The following SASH1 variants were observed in gnomAD, a reference collection of about 807,000 sequenced individuals.
SASH1 encodes SAM and SH3 domain-containing protein 1.
SASH1 carries 44 observed loss-of-function variants against 125.2 expected under a neutral mutation model. The ratio of observed to expected loss-of-function variants is 0.35; its 90% CI spans 0.28 to 0.45. The LOEUF is 0.45. Among genes scored for constraint, SASH1 ranks in the 20% least tolerant of loss-of-function variants. The pLI is 1.00. For synonymous variants in SASH1, 639 were observed against 649.1 expected (o/e 0.98, Z 0.24); for missense variants, 1,426 against 1,614.5 (o/e 0.88, Z 2.00).
rs144016974 is a variant in SASH1 at position 148,352,596 on chromosome 6, T to TATAA, written c.156+9417_156+9420dup. On this transcript the variant is annotated intron_variant, in intron 1 of 19. Transcript: ENST00000367467. ...TGGGAGACAGAGTGAGACTCCTTCT[T>TATAA]ATAAATAAATAAATAAATAAATAAA... Among the ~76,000 whole-genome samples the TATAA allele has an allele frequency of 5.2e-3, 740 of 141,344 alleles. 6 individuals carry two copies. The highest frequency in any genetic ancestry group is 9.0e-3 in the East Asian group (43 of 4,802). 92.7% of individuals were successfully genotyped at this position (141,344 alleles called of 152,430 possible). A position where few individuals can be genotyped will look rare whatever the true frequency, so the allele number is the denominator to read the frequency against.
At chr6:148,357,068 T>C (rs1781973831) in intron 1 of SASH1, among the ~76,000 whole-genome samples, 1 of 152,254 alleles carries the variant, frequency 6.6e-6, no homozygotes, top group Non-Finnish European at 1.5e-5. Context: ...GAGTTCCTTG[T>C]AGATTCTGGA....
At chr6:148,276,545 A>T (rs192659452) in intron 1 of SASH1, among the ~76,000 whole-genome samples, 1 of 152,346 alleles carries the variant, frequency 6.6e-6, no homozygotes, top group East Asian at 1.9e-4. Context: ...CGAAAGAAAA[A>T]GTAAGCTAGG....
intron 4 of SASH1, among the ~76,000 whole-genome samples, chr6:148,455,727 G>A (rs1252739275): frequency 6.6e-6 from 1 of 152,212 alleles, no homozygotes; most frequent in Non-Finnish European, 1.5e-5. Context: ...TTAGAAGTGG[G>A]GCAGGGGAAG....
At chr6:148,365,664 A>T (rs1490779638) in intron 1 of SASH1, among the ~76,000 whole-genome samples, 1 of 152,072 alleles carries the variant, frequency 6.6e-6, no homozygotes, top group Non-Finnish European at 1.5e-5. Flanking sequence ...TGAAGGAGAG[A>T]TGGAGCTAGG....
Position 148,549,775 on chromosome 6 carries a change from CT to C in SASH1, c.*1220del. The C allele has an allele frequency of 2.6e-6, 1 of 386,328 alleles. No homozygotes were observed. 23.9% of individuals were successfully genotyped at this position (386,328 alleles called of 1,614,324 possible). A position where few individuals can be genotyped will look rare whatever the true frequency, so the allele number is the denominator to read the frequency against. ...TTAGCCATGTGTTAAGTATTTGCTA[CT>C]TTAAATTGTTTTACAACTGATTTCA... On this transcript the variant is annotated 3_prime_UTR_variant, in exon 20 of 20. Transcript: ENST00000367467.
chr6:148,421,173 G>GAAAGAAAGAAAGAAAA lies in SASH1; in HGVS notation c.286-18996_286-18995insAAAAGAAAGAAAGAAA, dbSNP rs1562396535. 6.1e-4 allele frequency among the ~76,000 whole-genome samples: 85 copies of GAAAGAAAGAAAGAAAA among 139,434 alleles called. 2 individuals are homozygous for GAAAGAAAGAAAGAAAA. Among genetic ancestry groups the GAAAGAAAGAAAGAAAA allele is most frequent in the African/African-American group, 2.2e-3 (83 of 37,970 alleles). The allele number at this position is 139,434 out of a possible 152,430, so 91.5% of individuals were successfully genotyped here. A position where few individuals can be genotyped will look rare whatever the true frequency, so the allele number is the denominator to read the frequency against. On this transcript the variant is annotated intron_variant, in intron 2 of 19. Transcript: ENST00000367467. The stretch of plus-strand genomic sequence containing the variant: ...AGAAAGAAAGAAAGAAAGAAAGAAA[G>GAAAGAAAGAAAGAAAA]AAAGAAAGAAAGAAAGAAAGAAAGA...
chr6:148,393,519 G>A (rs959702388), intron 2 of SASH1: 2 of 163,284 alleles, frequency 1.2e-5, no homozygotes, highest in African/African-American at 4.8e-5. Flanking sequence ...CTGGTTAGGA[G>A]TTGGGGTTAC....
In SASH1 at chr6:148,327,677, A is replaced by T. The variant is rs528418173; in HGVS notation, n.74+55300A>T. On this transcript the variant is annotated intron_variant and non_coding_transcript_variant, in intron 1 of 3. Coordinates refer to the SASH1 transcript ENST00000367469. ...AAAAAGTGGCCAGGTGCAGTGGCTC[A>T]CGCCTGTAATCCCAACACTTTGGGA... Among the ~76,000 whole-genome samples, 426 of 149,396 alleles carry T rather than the reference A, an allele frequency of 2.9e-3. 2 individuals are homozygous for T. The highest frequency in any genetic ancestry group is 0.01 in the African/African-American group (410 of 40,912).
chr6:148,531,734 G>A, intron 13 of SASH1, 73 bp downstream of exon 13: 1 of 1,270,488 alleles, frequency 7.9e-7, no homozygotes, highest in Non-Finnish European at 1.0e-6. Context: ...ACTAGGTTCA[G>A]GCAATTTCAA....
chr6:148,456,709 A>C (rs1288167100), intron 4 of SASH1, among the ~76,000 whole-genome samples: 3 of 151,776 alleles, frequency 2.0e-5, no homozygotes, highest in Admixed American at 6.6e-5. Flanking sequence ...AAAACAAACA[A>C]AAATTAGCTG....
At chr6:148,447,048 C>G (rs1423737806) in intron 4 of SASH1, among the ~76,000 whole-genome samples, 1 of 152,204 alleles carries the variant, frequency 6.6e-6, no homozygotes, top group Non-Finnish European at 1.5e-5. Context: ...GGAGCAAATT[C>G]TACCCTCATC....
intron 5 of SASH1, among the ~76,000 whole-genome samples, chr6:148,469,473 C>G (rs982955150): frequency 6.6e-6 from 1 of 152,210 alleles, no homozygotes; most frequent in Non-Finnish European, 1.5e-5. Context: ...TGGCTCACTT[C>G]TCTTATCCCA....
chr6:148,507,570 CATG>C (rs1779872652), intron 8 of SASH1, among the ~76,000 whole-genome samples: 2 of 152,254 alleles, frequency 1.3e-5, no homozygotes, highest in South Asian at 4.1e-4. Context: ...GGGTTTTCAC[CATG>C]TTTCCCAGGC....
intron 1 of SASH1, among the ~76,000 whole-genome samples, chr6:148,298,523 C>A (rs1381902833): frequency 2.6e-5 from 4 of 151,842 alleles, no homozygotes; most frequent in African/African-American, 9.7e-5. Context: ...CATCTGTGGT[C>A]CCAGCTACCC....
upstream of SASH1, among the ~76,000 whole-genome samples, chr6:148,340,365 C>A (rs1287038771): frequency 2.0e-5 from 3 of 151,760 alleles, no homozygotes; most frequent in Admixed American, 6.6e-5. Flanking sequence ...TGCCTGTAAT[C>A]CCAGCTACTC....
chr6:148,385,659 C>A (rs1302206246), intron 1 of SASH1, among the ~76,000 whole-genome samples: 3 of 152,064 alleles, frequency 2.0e-5, no homozygotes, highest in African/African-American at 7.2e-5. Flanking sequence ...TAGTCATTGG[C>A]CTTTGATTTA....
intron 7 of SASH1, among the ~76,000 whole-genome samples, chr6:148,482,815 A>G (rs1437533653): frequency 6.6e-6 from 1 of 151,522 alleles, no homozygotes; most frequent in Non-Finnish European, 1.5e-5. Context: ...CAGCCTCCCA[A>G]GTAGCTGGGA....
At chr6:148,312,512 TAAC>T (rs1210013848) in intron 1 of SASH1, among the ~76,000 whole-genome samples, 3 of 152,098 alleles carry the variant, frequency 2.0e-5, no homozygotes, top group Admixed American at 2.0e-4. Context: ...CTGCTATTAA[TAAC>T]AACAACAACA....
At chr6:148,513,015 G>A (rs775226854) in intron 8 of SASH1, 10 of 985,088 alleles carry the variant, frequency 1.0e-5, no homozygotes, top group South Asian at 4.7e-5. Flanking sequence ...ACTAATGTTC[G>A]TGCCATAGTG....
Sources: allele counts gnomAD v4.1 joint callset (sites outside exome capture counted in the v4.1 genomes callset), GRCh38; gene constraint gnomAD v4.1.1; transcripts MANE v1.5; gene names NCBI Gene and HGNC (gene_info 2026-07-23, HGNC 2026-07-21).